Variants in SMTNL1 observed in about 807,000 individuals in gnomAD.
The protein encoded by SMTNL1 is smoothelin-like protein 1.
Under a neutral mutation model 46.6 loss-of-function variants are expected in SMTNL1, and 41 were observed. The observed-to-expected ratio is 0.88, with a 90% confidence interval of 0.69 to 1.14. The LOEUF (loss-of-function observed/expected upper bound fraction) is 1.14, where lower values mean the gene tolerates loss of function less well. Ranked by LOEUF, SMTNL1 falls within the 50% of genes most tolerant of loss-of-function variation. The probability of loss-of-function intolerance (pLI) is 0.00; values close to 1 mark genes in which losing one functional copy is unlikely to be tolerated. For missense variants in SMTNL1, 591 were observed against 626.1 expected (o/e 0.94, Z 0.60); for synonymous variants, 234 against 234.2 (o/e 1.00, Z 0.01).
intron 1 of SMTNL1, among the ~76,000 whole-genome samples, chr11:57,538,873 G>A (rs1944851536): frequency 6.6e-6 from 1 of 152,170 alleles, no homozygotes; most frequent in African/African-American, 2.4e-5. Context: ...GCTGGGGGTG[G>A]GTGGTGGCGT....
chr11:57,547,451 C>T (rs1057192944), intron 7 of SMTNL1, among the ~76,000 whole-genome samples: 8 of 152,228 alleles, frequency 5.3e-5, no homozygotes, highest in African/African-American at 1.7e-4. Context: ...GGGTTTGAAT[C>T]CTCCCTGCTT....
rs1366737347 is a variant in SMTNL1 at position 57,543,893 on chromosome 11, C to A, written c.890C>A (p.Ala297Asp). ...STDGLGPDCVASGQTSPSASE... is the reference protein window; with the variant it reads ...STDGLGPDCVDSGQTSPSASE... Reference sequence around the variant, plus strand: ...GATGGGCTGGGTCCAGACTGTGTAGCTTCCGGACAGACCAGTCCTTCAGCC... The same window carrying A: ...GATGGGCTGGGTCCAGACTGTGTAGATTCCGGACAGACCAGTCCTTCAGCC... Residue 297 changes from alanine (A) to aspartate (D), a missense_variant, in exon 4 of 8, where the codon GCT becomes GAT. Coordinates refer to ENST00000527972, the MANE Select transcript of SMTNL1 (RefSeq NM_001105565.3). The A allele has an allele frequency of 1.3e-6, 2 of 1,591,328 alleles. No individual in the cohort carries two copies. Among genetic ancestry groups the A allele is most frequent in the East Asian group, 4.6e-5 (2 of 43,920 alleles).
intron 2 of SMTNL1, 82 bp from the exon 3 acceptor site, chr11:57,543,542 C>A: frequency 6.5e-7 from 1 of 1,543,594 alleles, no homozygotes; most frequent in Non-Finnish European, 8.7e-7. Context: ...CCCAGGCTGC[C>A]TTTCAGAACT....
intron 7 of SMTNL1, among the ~76,000 whole-genome samples, chr11:57,549,236 G>C (rs1156294538): frequency 6.6e-6 from 1 of 152,058 alleles, no homozygotes; most frequent in Non-Finnish European, 1.5e-5. Flanking sequence ...ATGTTGGCCA[G>C]GCTGGTCTCA....
At chr11:57,545,228 GGTAGGTATTCTT>G (rs1944912262) in intron 4 of SMTNL1, among the ~76,000 whole-genome samples, 1 of 152,148 alleles carries the variant, frequency 6.6e-6, no homozygotes, top group Non-Finnish European at 1.5e-5. Flanking sequence ...ACATAGGGCA[GGTAGGTATTCTT>G]GTCCTCATTT....
At chr11:57,544,336 C>T (rs577731782) in intron 4 of SMTNL1, among the ~76,000 whole-genome samples, 3 of 152,302 alleles carry the variant, frequency 2.0e-5, no homozygotes, top group Non-Finnish European at 4.4e-5. Flanking sequence ...GCCGAGATTG[C>T]GCCATTGCAC....
In SMTNL1 at chr11:57,546,344, C is replaced by T. The variant is rs543232675; in HGVS notation, c.1185C>T (p.Tyr395=). The change falls in exon 6 of 8, where the codon TAC becomes TAT. Residue 395 remains tyrosine (Y), a synonymous_variant. Coordinates refer to ENST00000527972, the MANE Select transcript of SMTNL1 (RefSeq NM_001105565.3). The stretch of plus-strand genomic sequence containing the variant: ...GGTGCCGAGCCATGACAAAAAAATA[C>T]GAGGTGGGCATGGGGCAGAGCTGCG... The part of the protein sequence containing the change: ...LEWCRAMTKK[Y]EHVDIQNFSS... 2.1e-5 allele frequency: 31 copies of T among 1,506,436 alleles called. No homozygotes were observed. In the East Asian group the frequency reaches 6.0e-4, roughly 29 times the overall value. The allele number at this position is 1,506,436 out of a possible 1,614,324, so 93.3% of individuals were successfully genotyped here. A position where few individuals can be genotyped will look rare whatever the true frequency, so the allele number is the denominator to read the frequency against.
chr11:57,543,225 G>A lies in SMTNL1; in HGVS notation c.583G>A (p.Asp195Asn). Residue 195 changes from aspartate to asparagine, a missense_variant, in exon 2 of 8, where the codon GAT (aspartate) becomes AAT (asparagine). Physicochemically the swap from Asp to Asn is conservative, Grantham distance 23. Transcript: ENST00000527972. ...CACTGAACCCAAGGAGAAGGCTACT[G>A]ATGAAGAGGCCAAGGCTGAATCGCA... is the stretch of plus-strand genomic sequence containing the variant. ...CSTEPKEKAT[D>N]EEAKAESQKA... The A allele has an allele frequency of 6.2e-7, 1 of 1,613,974 alleles. No individual in the cohort carries two copies. The highest frequency in any genetic ancestry group is 8.5e-7 in the Non-Finnish European group (1 of 1,179,886).
intron 7 of SMTNL1, among the ~76,000 whole-genome samples, chr11:57,547,167 G>A (rs1215507489): frequency 6.6e-6 from 1 of 152,138 alleles, no homozygotes; most frequent in Non-Finnish European, 1.5e-5. Context: ...AAATGAAAGG[G>A]AAACTTGCAG....
At chr11:57,548,814 T>G (rs1944938501) in intron 7 of SMTNL1, among the ~76,000 whole-genome samples, 1 of 152,198 alleles carries the variant, frequency 6.6e-6, no homozygotes, top group Non-Finnish European at 1.5e-5. Flanking sequence ...TGTGTGTTGC[T>G]TACTGTCTCC....
intron 7 of SMTNL1, 34 bp downstream of exon 7, chr11:57,546,686 G>C (rs376305673): frequency 9.5e-5 from 153 of 1,602,144 alleles, no homozygotes; most frequent in Non-Finnish European, 1.3e-4. Context: ...AGAGCTGGAT[G>C]GGAGCCTAGG....
intron 4 of SMTNL1, among the ~76,000 whole-genome samples, chr11:57,544,701 A>G (rs1337291103): frequency 6.6e-6 from 1 of 152,204 alleles, no homozygotes; most frequent in Non-Finnish European, 1.5e-5. Flanking sequence ...AATGAGTAAC[A>G]AGTGCAAAGC....
At position 57,543,248 on chromosome 11, in the gene SMTNL1, G is replaced by T; in HGVS notation, c.606G>T (p.Ser202=). 6.2e-7 allele frequency: 1 copy of T among 1,613,964 alleles called. No homozygotes were observed. The highest frequency in any genetic ancestry group is 8.5e-7 in the Non-Finnish European group (1 of 1,179,886). Reference sequence around the variant, plus strand: ...CTGATGAAGAGGCCAAGGCTGAATCGCAGAAGGCTGTTGTGGAGGATGAGG... The same window carrying T: ...CTGATGAAGAGGCCAAGGCTGAATCTCAGAAGGCTGTTGTGGAGGATGAGG... ...KATDEEAKAE[S]QKAVVEDEAK... Residue 202 remains serine (S), a synonymous_variant, in exon 2 of 8, where the codon TCG becomes TCT. Coordinates refer to ENST00000527972, the MANE Select transcript of SMTNL1 (RefSeq NM_001105565.3).
Position 57,549,978 on chromosome 11 carries a change from G to A in SMTNL1, c.1351G>A (p.Asp451Asn), listed in dbSNP as rs1944945728. The A allele has an allele frequency of 6.2e-7, 1 of 1,613,960 alleles. No homozygotes were observed. The change falls in exon 8 of 8, where the codon GAC (aspartate) becomes AAC (asparagine). Residue 451 changes from aspartate to asparagine, a missense_variant. Coordinates refer to ENST00000527972, the MANE Select transcript of SMTNL1 (RefSeq NM_001105565.3). ...LAFSTAEKLA[D>N]CAQLLDVDDM... ...CACCCCATTCCTTAGGAAACTGGCT[G>A]ACTGTGCTCAGCTGCTGGACGTGGA...
chr11:57,543,903 G>A lies in SMTNL1; in HGVS notation c.900G>A (p.Gln300=), dbSNP rs1246763364. Residue 300 remains glutamine (Q), a synonymous_variant, in exon 4 of 8, where the codon CAG becomes CAA. Transcript: ENST00000527972. The stretch of plus-strand genomic sequence containing the variant: ...GTCCAGACTGTGTAGCTTCCGGACA[G>A]ACCAGTCCTTCAGCCAGGTAATGTC... ...GLGPDCVASG[Q]TSPSASESSP... is the part of the protein sequence containing the mutation. 26 of 1,588,906 alleles carry A rather than the reference G, an allele frequency of 1.6e-5. No individual in the cohort carries two copies. Among genetic ancestry groups the A allele is most frequent in the Non-Finnish European group, 2.0e-5 (23 of 1,167,492 alleles).
rs1944947411 is a variant in SMTNL1 at position 57,550,151 on chromosome 11, C to T, written c.*39C>T. 6.3e-7 allele frequency: 1 copy of T among 1,583,798 alleles called. No individual in the cohort carries two copies. The highest frequency in any genetic ancestry group is 2.3e-5 in the East Asian group (1 of 43,862). ...TCTGTGGGCAGAGATGGGCAGGGTGCCCAGCTCAGCAGCCACGGCCCGGGG... is the reference window on the plus strand; with the variant it reads ...TCTGTGGGCAGAGATGGGCAGGGTGTCCAGCTCAGCAGCCACGGCCCGGGG... On this transcript the variant is annotated 3_prime_UTR_variant, in exon 8 of 8. Coordinates refer to ENST00000527972, the MANE Select transcript of SMTNL1 (RefSeq NM_001105565.3).
intron 1 of SMTNL1, among the ~76,000 whole-genome samples, chr11:57,541,012 T>A (rs1944872370): frequency 6.6e-6 from 1 of 152,162 alleles, no homozygotes; most frequent in African/African-American, 2.4e-5. Context: ...CCCGGCGTCA[T>A]CTTCCCTCTT....
chr11:57,543,814 A>G (rs1008281762), intron 3 of SMTNL1, 55 bp from the exon 4 acceptor site: 1 of 1,560,630 alleles, frequency 6.4e-7, no homozygotes, highest in African/African-American at 1.4e-5. Context: ...GGAGGGGCGC[A>G]AGAAGCATGC....
rs1038371256 is a variant in SMTNL1 at position 57,543,839 on chromosome 11, G to C, written c.866-30G>C. 13 of 1,579,218 alleles carry C rather than the reference G, an allele frequency of 8.2e-6. No individual in the cohort carries two copies. The Admixed American group carries it at 2.2e-4, about 27-fold the overall frequency. On this transcript the variant is annotated intron_variant, in intron 3 of 7. Coordinates refer to ENST00000527972, the MANE Select transcript of SMTNL1 (RefSeq NM_001105565.3). ...AAGAAGCATGCCATGGATAGCCCCAGCTTCCCTCCCTCCTTTCACTTTCCT... is the reference window on the plus strand; with the variant it reads ...AAGAAGCATGCCATGGATAGCCCCACCTTCCCTCCCTCCTTTCACTTTCCT...
Sources: gnomAD v4.1 joint callset for allele counts (sites outside exome capture counted in the v4.1 genomes callset) on GRCh38, gnomAD v4.1.1 for gene constraint, MANE v1.5 for transcripts, NCBI Gene and HGNC (gene_info 2026-07-23, HGNC 2026-07-21) for gene names.